The following MTTP variants were observed in gnomAD, a reference collection of about 807,000 sequenced individuals.
MTTP encodes the protein microsomal triglyceride transfer protein large subunit.
Under a neutral mutation model 90.6 loss-of-function variants are expected in MTTP, and 49 were observed. That is an observed-to-expected ratio of 0.54 (90% CI 0.43 to 0.69). MTTP has a LOEUF of 0.69. MTTP is among the 30% of genes least tolerant of loss of function. MTTP has a pLI of 0.00. For missense variants in MTTP, 945 were observed against 1,067.5 expected (o/e 0.89, Z 1.60); for synonymous variants, 347 against 384.2 (o/e 0.90, Z 1.13).
chr4:99,623,083 T>C lies in MTTP; in HGVS notation c.*235T>C, dbSNP rs1726281963. The C allele has an allele frequency of 3.6e-6, 2 of 551,028 alleles. No homozygotes were observed. The highest frequency in any genetic ancestry group is 6.5e-6 in the Non-Finnish European group (2 of 306,732). The allele number at this position is 551,028 out of a possible 1,614,324, so 34.1% of individuals were successfully genotyped here. The stretch of plus-strand genomic sequence containing the variant: ...TTCAACAACGTTCTTAGTTTACTTA[T>C]ACCTCTCTCAAATCTCATTTGGTAC... On this transcript the variant is annotated 3_prime_UTR_variant, in exon 18 of 18. Coordinates refer to ENST00000265517, the MANE Select transcript of MTTP (RefSeq NM_001386140.1).
chr4:99,566,152 G>A (rs1238421245), intron 1 of MTTP, among the ~76,000 whole-genome samples: 1 of 152,002 alleles, frequency 6.6e-6, no homozygotes, highest in East Asian at 1.9e-4. Flanking sequence ...AGCCGGGCGT[G>A]GTGGCGGGCG....
intron 15 of MTTP, among the ~76,000 whole-genome samples, chr4:99,616,462 A>G (rs1269207922): frequency 1.3e-5 from 2 of 152,162 alleles, no homozygotes; most frequent in East Asian, 3.9e-4. Flanking sequence ...TTCTGGCTTC[A>G]TGTGTAGCCT....
chr4:99,576,536 A>G (rs1005812509), intron 1 of MTTP, among the ~76,000 whole-genome samples: 2 of 151,344 alleles, frequency 1.3e-5, no homozygotes, highest in African/African-American at 4.9e-5. Context: ...TCTACTAAAA[A>G]TACAAAAAAT....
chr4:99,572,242 A>G (rs1186586195), upstream of MTTP, among the ~76,000 whole-genome samples: 1 of 151,998 alleles, frequency 6.6e-6, no homozygotes, highest in Non-Finnish European at 1.5e-5. Flanking sequence ...TTGTTTTGAA[A>G]TGTATCATTT....
intron 7 of MTTP, 123 bp from the exon 8 acceptor site, chr4:99,596,944 A>G (rs1480830089): frequency 8.2e-7 from 1 of 1,213,748 alleles, no homozygotes; most frequent in Non-Finnish European, 1.2e-6. Flanking sequence ...TATTGAGGTA[A>G]GGTACAAAAA....
chr4:99,574,323 T>C (rs1349221325), upstream of MTTP, among the ~76,000 whole-genome samples: 1 of 152,194 alleles, frequency 6.6e-6, no homozygotes, highest in Admixed American at 6.5e-5. Flanking sequence ...TATTTTGAAG[T>C]GATTGGTGGT....
At chr4:99,606,639 A>C (rs1725822735) in intron 10 of MTTP, 109 bp from the exon 11 acceptor site, 1 of 1,095,398 alleles carries the variant, frequency 9.1e-7, no homozygotes, top group African/African-American at 1.5e-5. Flanking sequence ...CCAATGCAAA[A>C]CTTTGTAAAA....
In MTTP at chr4:99,597,212, A is replaced by C. The variant is rs1370709396; in HGVS notation, c.1055A>C (p.Asn352Thr). The C allele has an allele frequency of 6.2e-7, 1 of 1,613,578 alleles. No homozygotes were observed. The highest frequency in any genetic ancestry group is 8.5e-7 in the Non-Finnish European group (1 of 1,179,810). The change falls in exon 8 of 18, where the codon AAT becomes ACT. Residue 352 changes from asparagine to threonine, a missense_variant. Physicochemically the swap from Asn to Thr is moderately conservative, Grantham distance 65 (BLOSUM62 0). Coordinates refer to ENST00000265517, the MANE Select transcript of MTTP (RefSeq NM_001386140.1). ...ATCCTTCAAATACTAAAGATGGAAA[A>C]TAAGGAAGTATTGTAAGTTCCCCAA... is the stretch of plus-strand genomic sequence containing the variant. ...EEILQILKME[N>T]KEVLPQLVDA...
In MTTP at chr4:99,623,905, A is replaced by G. The variant is rs1726310047; in HGVS notation, c.*1057A>G. ...AACAAATGACAGGTCCTTATTTTCC[A>G]CTAAACACAGACACATGAAATGAAA... On this transcript the variant is annotated 3_prime_UTR_variant, in exon 18 of 18. Transcript: ENST00000265517. 1 of 152,244 alleles carries G rather than the reference A, an allele frequency of 6.6e-6. No individual in the cohort carries two copies. Among genetic ancestry groups the G allele is most frequent in the African/African-American group, 2.4e-5 (1 of 41,462 alleles). The allele number at this position is 152,244 out of a possible 1,614,324, so 9.4% of individuals were successfully genotyped here. A position where few individuals can be genotyped will look rare whatever the true frequency, so the allele number is the denominator to read the frequency against.
intron 15 of MTTP, 24 bp downstream of exon 15, chr4:99,613,164 T>C: frequency 6.3e-7 from 1 of 1,588,012 alleles, no homozygotes; most frequent in Non-Finnish European, 8.6e-7. Flanking sequence ...TCTGTGAGTA[T>C]TTATTGAGTC....
intron 15 of MTTP, among the ~76,000 whole-genome samples, chr4:99,615,590 C>T (rs532141223): frequency 2.0e-5 from 3 of 152,314 alleles, no homozygotes; most frequent in African/African-American, 7.2e-5. Flanking sequence ...GCCATCCTAG[C>T]TTCAGAGACA....
chr4:99,607,882 G>A (rs1035966706), intron 11 of MTTP, among the ~76,000 whole-genome samples: 4 of 152,092 alleles, frequency 2.6e-5, no homozygotes, highest in Non-Finnish European at 4.4e-5. Context: ...GTGATTGTGC[G>A]TGTGTAGGGT....
At chr4:99,583,835 A>G (rs1725188275) in intron 3 of MTTP, 1 of 493,702 alleles carries the variant, frequency 2.0e-6, no homozygotes, top group Admixed American at 3.7e-5. Context: ...AACGTAATGT[A>G]ACAAAGCAAG....
At chr4:99,596,632 G>T (rs1423696464) in intron 7 of MTTP, among the ~76,000 whole-genome samples, 2 of 152,180 alleles carry the variant, frequency 1.3e-5, no homozygotes, top group African/African-American at 4.8e-5. Flanking sequence ...TCAGTGAGGT[G>T]CAGGTAAATT....
At chr4:99,571,674 T>A (rs537305832), upstream of MTTP, among the ~76,000 whole-genome samples, 1 of 152,116 alleles carries the variant, frequency 6.6e-6, no homozygotes, top group African/African-American at 2.4e-5. Flanking sequence ...ATCTTTATTT[T>A]CTCGTAGAGA....
chr4:99,601,271 G>T (rs1725688444), intron 9 of MTTP, among the ~76,000 whole-genome samples: 1 of 146,650 alleles, frequency 6.8e-6, no homozygotes, highest in African/African-American at 2.5e-5. Flanking sequence ...TGATAAAAGT[G>T]ATGAGGCCCC....
chr4:99,598,783 C>A (rs367863193), intron 8 of MTTP, among the ~76,000 whole-genome samples: 1 of 151,210 alleles, frequency 6.6e-6, no homozygotes. Context: ...CCTGCCTCAG[C>A]CTCCCGAATA....
chr4:99,567,759 TAG>T (rs1724737512), intron 1 of MTTP, among the ~76,000 whole-genome samples: 1 of 151,510 alleles, frequency 6.6e-6, no homozygotes. Flanking sequence ...AGTGGGAGAG[TAG>T]AGAGGAGACA....
At chr4:99,574,631 C>G, upstream of MTTP, 1 of 606,334 alleles carries the variant, frequency 1.6e-6, no homozygotes, top group Non-Finnish European at 2.8e-6. Flanking sequence ...GTTTAGCTCT[C>G]AAAAGTGAAA....
Sources: gnomAD v4.1 joint callset for allele counts (sites outside exome capture counted in the v4.1 genomes callset) on GRCh38, gnomAD v4.1.1 for gene constraint, MANE v1.5 for transcripts, NCBI Gene and HGNC (gene_info 2026-07-23, HGNC 2026-07-21) for gene names.